CNTN4: variants seen among roughly 807,000 people sequenced by gnomAD.
The protein encoded by CNTN4 is contactin 4, also known as contactin-4.
CNTN4 carries 77 observed loss-of-function variants against 122.5 expected under a neutral mutation model. The ratio of observed to expected loss-of-function variants is 0.63; its 90% confidence interval spans 0.52 to 0.76. The LOEUF (loss-of-function observed/expected upper bound fraction) is 0.76, where lower values mean the gene tolerates loss of function less well. CNTN4 is among the 30% of genes least tolerant of loss of function. The pLI is 0.00. For synonymous variants in CNTN4, 512 were observed against 447.0 expected (o/e 1.15, Z -1.83); for missense variants, 1,256 against 1,259.1 (o/e 1.00, Z 0.04).
At chr3:2,783,109 T>C (rs543598870) in intron 6 of CNTN4, among the ~76,000 whole-genome samples, 1 of 151,102 alleles carries the variant, frequency 6.6e-6, no homozygotes, top group Admixed American at 6.6e-5. Flanking sequence ...TGAGATTTTC[T>C]CTCTACTAAT....
At chr3:2,233,581 G>A (rs770577015) in intron 2 of CNTN4, among the ~76,000 whole-genome samples, 1 of 152,076 alleles carries the variant, frequency 6.6e-6, no homozygotes, top group Non-Finnish European at 1.5e-5. Flanking sequence ...GGCATAGATG[G>A]TTTGAGAAAT....
rs144497123 is a variant in CNTN4 at position 2,965,502 on chromosome 3, C to T, written c.1359-22843C>T. Among the ~76,000 whole-genome samples, 4 of 152,304 alleles carry T rather than the reference C, an allele frequency of 2.6e-5. 1 individual carries two copies. In the South Asian group the frequency reaches 6.2e-4, roughly 24 times the overall value. Reference sequence around the variant, plus strand: ...AAATTTTAATTTTCCTTAATTTTAACGTTAAGTTTAAGTAGCCACATTTGC... The same window carrying T: ...AAATTTTAATTTTCCTTAATTTTAATGTTAAGTTTAAGTAGCCACATTTGC... On this transcript the variant is annotated intron_variant, in intron 13 of 24. Transcript: ENST00000418658.
chr3:2,635,179 G>T (rs1439638364), intron 4 of CNTN4, among the ~76,000 whole-genome samples: 1 of 152,046 alleles, frequency 6.6e-6, no homozygotes, highest in South Asian at 2.1e-4. Context: ...CTGGATAACT[G>T]TTAAAATTCC....
At chr3:2,616,864 A>C (rs550782772) in intron 4 of CNTN4, among the ~76,000 whole-genome samples, 52 of 152,286 alleles carry the variant, frequency 3.4e-4, no homozygotes, top group African/African-American at 1.2e-3. Context: ...GATCTTCAAC[A>C]AACCTGACAA....
chr3:2,660,043 C>A (rs1163672115), intron 4 of CNTN4, among the ~76,000 whole-genome samples: 1 of 152,058 alleles, frequency 6.6e-6, no homozygotes, highest in Non-Finnish European at 1.5e-5. Flanking sequence ...TGGGCTTTGG[C>A]AAATCTCTAT....
At chr3:2,555,896 T>C (rs2149390872) in intron 3 of CNTN4, among the ~76,000 whole-genome samples, 1 of 152,260 alleles carries the variant, frequency 6.6e-6, no homozygotes, top group Admixed American at 6.5e-5. Flanking sequence ...AAGTGAGAAT[T>C]TCTGAAGCTG....
At chr3:2,514,009 A>G (rs2149093165) in intron 3 of CNTN4, among the ~76,000 whole-genome samples, 1 of 152,308 alleles carries the variant, frequency 6.6e-6, no homozygotes, top group African/African-American at 2.4e-5. Context: ...ACCCAACAAC[A>G]TTGTGGACAA....
In CNTN4 at chr3:2,258,733, C is replaced by T. The variant is rs376393504; in HGVS notation, c.-144-80445C>T. ...ACTCTAATCTTTTGCTTCACAGATA[C>T]TTTGAACTGGCATCTCATGTCTTAG... is the stretch of plus-strand genomic sequence containing the variant. On this transcript the variant is annotated intron_variant, in intron 2 of 24. Coordinates refer to ENST00000418658, the MANE Select transcript of CNTN4 (RefSeq NM_175607.3). Among the ~76,000 whole-genome samples the T allele has an allele frequency of 2.0e-5, 3 of 152,070 alleles. No individual in the cohort carries two copies. In the South Asian group the frequency reaches 6.2e-4, roughly 31 times the overall value.
At chr3:2,590,415 T>G (rs973979634) in intron 4 of CNTN4, among the ~76,000 whole-genome samples, 2 of 151,902 alleles carry the variant, frequency 1.3e-5, no homozygotes, top group African/African-American at 4.8e-5. Flanking sequence ...TGCCATCACG[T>G]CCAGCTAATT....
At chr3:2,358,618 A>G (rs1312991742) in intron 3 of CNTN4, among the ~76,000 whole-genome samples, 1 of 152,072 alleles carries the variant, frequency 6.6e-6, no homozygotes, top group East Asian at 1.9e-4. Flanking sequence ...GCTATTTCAT[A>G]TTCCCCACAC....
intron 3 of CNTN4, among the ~76,000 whole-genome samples, chr3:2,384,419 C>T (rs1049546781): frequency 3.9e-5 from 6 of 152,078 alleles, no homozygotes; most frequent in Admixed American, 2.0e-4. Flanking sequence ...CACATAAATC[C>T]GCCTGTTAGA....
chr3:2,716,933 C>G (rs1043447838), intron 4 of CNTN4, among the ~76,000 whole-genome samples: 14 of 152,172 alleles, frequency 9.2e-5, no homozygotes, highest in African/African-American at 3.1e-4. Flanking sequence ...CAAGATTCAT[C>G]TCTATTGTCA....
At position 2,482,387 on chromosome 3, in the gene CNTN4, C is replaced by G. The variant is rs6796684; in HGVS notation, c.-88-89029C>G. 5.4e-3 allele frequency among the ~76,000 whole-genome samples: 823 copies of G among 151,076 alleles called. 8 individuals are homozygous for G. The highest frequency in any genetic ancestry group is 0.019 in the African/African-American group (778 of 41,052). ...AAGTAACAAAGGGTTCAAGAGAAAG[C>G]AGATCATAAAAGTTTGGAAAATTTG... On this transcript the variant is annotated intron_variant, in intron 3 of 24. Coordinates refer to ENST00000418658, the MANE Select transcript of CNTN4 (RefSeq NM_175607.3).
intron 2 of CNTN4, among the ~76,000 whole-genome samples, chr3:2,192,851 T>C (rs1180003631): frequency 6.6e-6 from 1 of 152,118 alleles, no homozygotes; most frequent in African/African-American, 2.4e-5. Flanking sequence ...AGGTCAAACA[T>C]TTGTTGTTGT....
At chr3:2,420,667 C>G (rs988187412) in intron 3 of CNTN4, among the ~76,000 whole-genome samples, 1 of 152,010 alleles carries the variant, frequency 6.6e-6, no homozygotes, top group African/African-American at 2.4e-5. Context: ...AACTCCTGGC[C>G]TCAAGTAATC....
At chr3:2,923,871 A>G (rs1462780378) in intron 12 of CNTN4, among the ~76,000 whole-genome samples, 1 of 152,188 alleles carries the variant, frequency 6.6e-6, no homozygotes, top group Non-Finnish European at 1.5e-5. Flanking sequence ...TCCTGACCCT[A>G]TCTTTTTCAT....
chr3:2,829,136 GCC>G (rs1559551587), intron 7 of CNTN4, among the ~76,000 whole-genome samples: 2 of 152,132 alleles, frequency 1.3e-5, no homozygotes, highest in African/African-American at 4.8e-5. Flanking sequence ...AATGTAATCA[GCC>G]AGTTCCTCCC....
At chr3:2,754,088 A>T (rs752803573) in intron 6 of CNTN4, among the ~76,000 whole-genome samples, 2 of 152,202 alleles carry the variant, frequency 1.3e-5, no homozygotes, top group African/African-American at 2.4e-5. Flanking sequence ...ATATTTGTAT[A>T]AGCTTCTTAC....
At chr3:2,448,702 A>C (rs962400927) in intron 3 of CNTN4, among the ~76,000 whole-genome samples, 4 of 152,280 alleles carry the variant, frequency 2.6e-5, no homozygotes, top group Admixed American at 2.6e-4. Flanking sequence ...TATCCATTTA[A>C]CAATTATTAC....
Sources: gnomAD v4.1 joint callset for allele counts (sites outside exome capture counted in the v4.1 genomes callset) on GRCh38, gnomAD v4.1.1 for gene constraint, MANE v1.5 for transcripts, NCBI Gene and HGNC (gene_info 2026-07-23, HGNC 2026-07-21) for gene names.